The following GLIS1 variants were observed in gnomAD, a reference collection of about 807,000 sequenced individuals.
The protein encoded by GLIS1 is zinc finger protein GLIS1.
A neutral mutation model predicts 63.8 loss-of-function variants in GLIS1; 24 were observed. The observed-to-expected ratio is 0.38, with a 90% CI of 0.27 to 0.53. The LOEUF (loss-of-function observed/expected upper bound fraction) is 0.53, where lower values mean the gene tolerates loss of function less well. GLIS1 is among the 20% of genes least tolerant of loss of function. The pLI is 0.85. For synonymous variants in GLIS1, 450 were observed against 482.5 expected (o/e 0.93, Z 0.88); for missense variants, 1,036 against 1,074.1 (o/e 0.96, Z 0.50).
intron 4 of GLIS1, among the ~76,000 whole-genome samples, chr1:53,563,314 C>T (rs1227731827): frequency 6.6e-6 from 1 of 152,206 alleles, no homozygotes. Flanking sequence ...GGAGTATATA[C>T]TAACAGGGGT....
At chr1:53,662,014 GGAGT>G (rs754207619) in intron 2 of GLIS1, among the ~76,000 whole-genome samples, 4 of 152,136 alleles carry the variant, frequency 2.6e-5, no homozygotes, top group African/African-American at 4.8e-5. Context: ...ACACAGGGAG[GGAGT>G]GAGCTTCCTA....
At chr1:53,637,912 G>T (rs923085614) in intron 2 of GLIS1, among the ~76,000 whole-genome samples, 2 of 152,256 alleles carry the variant, frequency 1.3e-5, no homozygotes, top group African/African-American at 2.4e-5. Context: ...GAGGACAGGG[G>T]CATGGAGGAA....
chr1:53,519,333 T>A (rs1644383566), intron 7 of GLIS1, among the ~76,000 whole-genome samples: 3 of 152,194 alleles, frequency 2.0e-5, no homozygotes, highest in Admixed American at 2.0e-4. Flanking sequence ...GGGGGACCCA[T>A]GAGAAAGGCT....
chr1:53,595,106 G>A, intron 3 of GLIS1, 116 bp from the exon 4 acceptor site: 2 of 894,922 alleles, frequency 2.2e-6, no homozygotes, highest in Middle Eastern at 3.6e-4. Context: ...CAGGGCAGGA[G>A]GCAGAGGCTG....
Position 53,594,252 on chromosome 1 carries a change from C to T in GLIS1, c.1176G>A (p.Glu392=). The change falls in exon 4 of 11, where the codon GAG becomes GAA. Residue 392 remains glutamate, a synonymous_variant. Coordinates refer to ENST00000628545, the MANE Select transcript of GLIS1 (RefSeq NM_001367484.1). ...EQQEELVRHI[E]KSHIDQRKGE... is the part of the protein sequence containing the mutation. ...CCTTGCGCTGGTCGATGTGGCTCTT[C>T]TCGATGTGCCGCACCAGCTCCTCCT... 2.5e-6 allele frequency: 4 copies of T among 1,613,694 alleles called. No homozygotes were observed. Among genetic ancestry groups the T allele is most frequent in the Non-Finnish European group, 3.4e-6 (4 of 1,179,966 alleles).
At chr1:53,566,068 A>T (rs1644934086) in intron 4 of GLIS1, among the ~76,000 whole-genome samples, 1 of 152,200 alleles carries the variant, frequency 6.6e-6, no homozygotes, top group African/African-American at 2.4e-5. Context: ...TAGTTAAGCT[A>T]TATAGCTTAA....
chr1:53,690,432 A>T (rs1646390378), intron 2 of GLIS1, among the ~76,000 whole-genome samples: 1 of 152,226 alleles, frequency 6.6e-6, no homozygotes, highest in South Asian at 2.1e-4. Flanking sequence ...TCAGGAACCA[A>T]ATCTCAAATG....
At chr1:53,546,533 G>A (rs1644700818) in intron 4 of GLIS1, among the ~76,000 whole-genome samples, 1 of 152,178 alleles carries the variant, frequency 6.6e-6, no homozygotes, top group Non-Finnish European at 1.5e-5. Context: ...GTGTCTTCTG[G>A]AAAACGGGGT....
At chr1:53,689,645 G>A (rs1234058673) in intron 2 of GLIS1, among the ~76,000 whole-genome samples, 3 of 152,148 alleles carry the variant, frequency 2.0e-5, no homozygotes, top group African/African-American at 7.2e-5. Flanking sequence ...TCTCCATTTG[G>A]CCACAGGCAG....
intron 7 of GLIS1, among the ~76,000 whole-genome samples, chr1:53,520,400 T>C (rs1032340147): frequency 6.6e-6 from 1 of 152,106 alleles, no homozygotes; most frequent in Non-Finnish European, 1.5e-5. Flanking sequence ...CCCTGAGCAA[T>C]GGGGAGCCAC....
At position 53,691,412 on chromosome 1, in the gene GLIS1, G is replaced by T. The variant is rs138648270; in HGVS notation, c.259+46394C>A. 9.9e-5 allele frequency among the ~76,000 whole-genome samples: 15 copies of T among 152,236 alleles called. 1 individual carries two copies. The South Asian group carries it at 1.5e-3, about 15-fold the overall frequency. ...CATGTTCCTCAAAGTCTGGCCTTTT[G>T]CCTGTTGCCCTCAGAATCCTGGGCC... On this transcript the variant is annotated intron_variant, in intron 2 of 10. Coordinates refer to ENST00000628545, the MANE Select transcript of GLIS1 (RefSeq NM_001367484.1).
chr1:53,661,798 C>G (rs1646031663), intron 2 of GLIS1, among the ~76,000 whole-genome samples: 2 of 152,192 alleles, frequency 1.3e-5, no homozygotes, highest in African/African-American at 4.8e-5. Flanking sequence ...AGACACAACA[C>G]TACAGATCAG....
chr1:53,584,041 T>C (rs1023010143), intron 4 of GLIS1, among the ~76,000 whole-genome samples: 1 of 152,160 alleles, frequency 6.6e-6, no homozygotes, highest in Non-Finnish European at 1.5e-5. Context: ...ACTGGGTGCA[T>C]GGTCCGAGGC....
chr1:53,702,013 A>G (rs1465191928), intron 2 of GLIS1, among the ~76,000 whole-genome samples: 2 of 151,150 alleles, frequency 1.3e-5, no homozygotes, highest in African/African-American at 4.9e-5. Context: ...AAAAAAAAAA[A>G]AAAAAAAAAG....
At chr1:53,601,380 C>A (rs1645316362) in intron 2 of GLIS1, among the ~76,000 whole-genome samples, 1 of 152,152 alleles carries the variant, frequency 6.6e-6, no homozygotes, top group Admixed American at 6.5e-5. Context: ...TTACAAAGTG[C>A]CTTGCAGATA....
intron 2 of GLIS1, among the ~76,000 whole-genome samples, chr1:53,677,523 A>G (rs943217307): frequency 5.3e-5 from 8 of 152,262 alleles, no homozygotes; most frequent in African/African-American, 1.9e-4. Flanking sequence ...CCAGACAGAC[A>G]GCCAGAGGAA....
chr1:53,522,586 C>T (rs1212071587), intron 6 of GLIS1, among the ~76,000 whole-genome samples: 1 of 152,172 alleles, frequency 6.6e-6, no homozygotes, highest in African/African-American at 2.4e-5. Flanking sequence ...GTGCATGATG[C>T]TGGGCTGGTT....
chr1:53,706,335 C>T (rs1310252203), intron 2 of GLIS1, among the ~76,000 whole-genome samples: 1 of 152,204 alleles, frequency 6.6e-6, no homozygotes, highest in Non-Finnish European at 1.5e-5. Context: ...TAGGAAAGCA[C>T]TTACATGACA....
chr1:53,697,413 C>CCT (rs1189312222), intron 2 of GLIS1, among the ~76,000 whole-genome samples: 7 of 152,202 alleles, frequency 4.6e-5, no homozygotes, highest in Non-Finnish European at 8.8e-5. Context: ...GCCTAAGGGA[C>CCT]CTCTCTTCAC....
Sources: allele counts gnomAD v4.1 joint callset (sites outside exome capture counted in the v4.1 genomes callset), GRCh38; gene constraint gnomAD v4.1.1; transcripts MANE v1.5; gene names NCBI Gene and HGNC (gene_info 2026-07-23, HGNC 2026-07-21).